Variants in IMMP2L observed in about 807,000 individuals in gnomAD.
IMMP2L encodes mitochondrial inner membrane protease subunit 2.
IMMP2L carries 18 observed loss-of-function variants against 19.3 expected under a neutral mutation model. The ratio of observed to expected loss-of-function variants is 0.93; its 90% confidence interval spans 0.64 to 1.38. IMMP2L has a LOEUF of 1.38. IMMP2L is among the 40% of genes most tolerant of loss of function. The pLI is 0.00. For missense variants in IMMP2L, 233 were observed against 218.2 expected, an observed-to-expected ratio of 1.07 and a Z score of -0.43; for synonymous variants, 76 against 73.0, an observed-to-expected ratio of 1.04 and a Z score of -0.21.
chr7:111,439,364 G>T (rs1444390984), intron 3 of IMMP2L, among the ~76,000 whole-genome samples: 3 of 151,630 alleles, frequency 2.0e-5, no homozygotes, highest in African/African-American at 4.9e-5. Flanking sequence ...GGGGAAACTG[G>T]TACTCACACA....
At chr7:110,828,109 G>T (rs901893118) in intron 5 of IMMP2L, among the ~76,000 whole-genome samples, 4 of 152,090 alleles carry the variant, frequency 2.6e-5, no homozygotes, top group Non-Finnish European at 5.9e-5. Flanking sequence ...AATTTTTTAT[G>T]TAAATGACCA....
At chr7:111,490,350 C>T (rs980940930) in intron 2 of IMMP2L, among the ~76,000 whole-genome samples, 1 of 150,658 alleles carries the variant, frequency 6.6e-6, no homozygotes, top group Admixed American at 6.6e-5. Flanking sequence ...AACTCCTGAC[C>T]TCAAGCAATC....
chr7:110,986,485 T>A (rs1398349479), intron 3 of IMMP2L, among the ~76,000 whole-genome samples: 1 of 152,188 alleles, frequency 6.6e-6, no homozygotes, highest in South Asian at 2.1e-4. Context: ...AAGGAGTCTA[T>A]CTCTACTGTA....
intron 5 of IMMP2L, among the ~76,000 whole-genome samples, chr7:110,712,747 T>G: frequency 1.0e-5 from 1 of 99,258 alleles, no homozygotes; most frequent in African/African-American, 3.9e-5. Context: ...AAAAGCGCAA[T>G]ATTCGGGTGG....
At chr7:111,422,991 A>T (rs528984116) in intron 3 of IMMP2L, among the ~76,000 whole-genome samples, 6 of 151,778 alleles carry the variant, frequency 4.0e-5, no homozygotes, top group African/African-American at 9.7e-5. Flanking sequence ...GGTTTTTGTC[A>T]TTGGTTCTGT....
intron 5 of IMMP2L, among the ~76,000 whole-genome samples, chr7:110,764,065 G>A (rs933492615): frequency 2.3e-4 from 35 of 152,034 alleles, no homozygotes; most frequent in Non-Finnish European, 1.8e-4. Context: ...TAAATGAAGC[G>A]ATACATCCTT....
At chr7:111,354,460 T>G (rs1247371500) in intron 3 of IMMP2L, among the ~76,000 whole-genome samples, 3 of 151,594 alleles carry the variant, frequency 2.0e-5, no homozygotes, top group East Asian at 1.9e-4. Flanking sequence ...TCTTATTTGA[T>G]AACATATGAG....
intron 5 of IMMP2L, among the ~76,000 whole-genome samples, chr7:110,676,801 G>T (rs866413336): frequency 6.6e-6 from 1 of 152,154 alleles, no homozygotes; most frequent in Non-Finnish European, 1.5e-5. Flanking sequence ...GAATTCCCTA[G>T]TACACTTCCT....
chr7:111,128,722 G>A (rs1316686158), intron 3 of IMMP2L, among the ~76,000 whole-genome samples: 1 of 152,166 alleles, frequency 6.6e-6, no homozygotes, highest in Non-Finnish European at 1.5e-5. Flanking sequence ...CTACTCGGGG[G>A]CCTGAGGCAG....
intron 3 of IMMP2L, among the ~76,000 whole-genome samples, chr7:111,322,333 G>A (rs576409771): frequency 6.6e-6 from 1 of 151,924 alleles, no homozygotes; most frequent in South Asian, 2.1e-4. Flanking sequence ...CCCCATGACT[G>A]GTTAGATGCA....
intron 2 of IMMP2L, among the ~76,000 whole-genome samples, chr7:111,491,575 AT>A (rs1245420719): frequency 3.9e-5 from 6 of 152,268 alleles, no homozygotes; most frequent in Admixed American, 3.3e-4. Context: ...CAGAGTTGAT[AT>A]GGTAGCATAA....
intron 4 of IMMP2L, among the ~76,000 whole-genome samples, chr7:110,888,273 C>T (rs569004030): frequency 6.6e-6 from 1 of 152,240 alleles, no homozygotes; most frequent in East Asian, 1.9e-4. Flanking sequence ...TCAATTAGTT[C>T]CTGACATCAC....
intron 5 of IMMP2L, among the ~76,000 whole-genome samples, chr7:110,825,365 G>A (rs1481658420): frequency 6.6e-6 from 1 of 152,082 alleles, no homozygotes; most frequent in Non-Finnish European, 1.5e-5. Context: ...CCAAAAAAGA[G>A]CCCGCATTGC....
At chr7:111,016,928 T>C (rs1288082508) in intron 3 of IMMP2L, among the ~76,000 whole-genome samples, 2 of 96,964 alleles carry the variant, frequency 2.1e-5, no homozygotes, top group Non-Finnish European at 3.7e-5. Flanking sequence ...TATTTATATA[T>C]ACTAATATAT....
intron 5 of IMMP2L, among the ~76,000 whole-genome samples, chr7:110,674,108 T>C (rs1792115214): frequency 6.6e-6 from 1 of 152,188 alleles, no homozygotes; most frequent in African/African-American, 2.4e-5. Flanking sequence ...CAGTTCAGCA[T>C]GGCTGGAGAG....
intron 4 of IMMP2L, among the ~76,000 whole-genome samples, chr7:110,954,115 A>C (rs926494668): frequency 6.6e-6 from 1 of 151,964 alleles, no homozygotes. Flanking sequence ...TTTTCTTTTT[A>C]TGTTTTATGC....
chr7:111,095,547 A>G (rs1797313390), intron 3 of IMMP2L, among the ~76,000 whole-genome samples: 1 of 152,008 alleles, frequency 6.6e-6, no homozygotes, highest in African/African-American at 2.4e-5. Flanking sequence ...TAACACCCAA[A>G]TATTTCAAAC....
At chr7:110,778,777 T>C (rs889151107) in intron 5 of IMMP2L, among the ~76,000 whole-genome samples, 1 of 151,804 alleles carries the variant, frequency 6.6e-6, no homozygotes, top group South Asian at 2.1e-4. Context: ...CAGCATCTAT[T>C]TTTTTTTCCA....
chr7:111,498,380 G>T (rs1843801060), intron 2 of IMMP2L, among the ~76,000 whole-genome samples: 1 of 152,040 alleles, frequency 6.6e-6, no homozygotes, highest in South Asian at 2.1e-4. Context: ...AAGACAGACT[G>T]CTATATATAA....
Sources: allele counts gnomAD v4.1 joint callset (sites outside exome capture counted in the v4.1 genomes callset), GRCh38; gene constraint gnomAD v4.1.1; transcripts MANE v1.5; gene names NCBI Gene and HGNC (gene_info 2026-07-23, HGNC 2026-07-21).